DELE1: variants seen among roughly 807,000 people sequenced by gnomAD.
DELE1 encodes the protein DAP3 binding cell death enhancer 1.
In DELE1, 54 loss-of-function variants were observed where a neutral mutation model predicts 59.3. The ratio of observed to expected loss-of-function variants is 0.91; its 90% CI spans 0.73 to 1.14. The LOEUF is 1.14. Among genes scored for constraint, DELE1 ranks in the 50% most tolerant of loss-of-function variants. The pLI, the probability that DELE1 is intolerant of heterozygous loss-of-function variation, is 0.00. For missense variants in DELE1, 636 were observed against 643.9 expected, an observed-to-expected ratio of 0.99 and a Z score of 0.13; for synonymous variants, 264 against 259.1, an observed-to-expected ratio of 1.02 and a Z score of -0.18.
chr5:141,925,727 A>T (rs1427306266), intron 3 of DELE1, among the ~76,000 whole-genome samples, 200 bp downstream of exon 3: 1 of 152,090 alleles, frequency 6.6e-6, no homozygotes, highest in South Asian at 2.1e-4. Context: ...TAATTCAGTA[A>T]ACATTTATGT....
chr5:141,924,119 G>C, intron 1 of DELE1, 147 bp downstream of exon 1: 1 of 1,082,256 alleles, frequency 9.2e-7, no homozygotes, highest in Non-Finnish European at 1.4e-6. Context: ...GAAGTCAGGG[G>C]CTGCTGGAAT....
In DELE1 at chr5:141,924,608, T is replaced by C; in HGVS notation, c.59T>C (p.Leu20Pro). ...CTTCCCCGTACACTGGGACCTAGCC[T>C]CTGGAGGGTGACTCCTAAGTCCACC... ...RALPRTLGPSLWRVTPKSTSP... is the reference protein window; with the variant it reads ...RALPRTLGPSPWRVTPKSTSP... The change falls in exon 2 of 12, where the codon CTC becomes CCC. Residue 20 changes from leucine (L) to proline (P), a missense_variant. Coordinates refer to ENST00000432126, the MANE Select transcript of DELE1 (RefSeq NM_014773.5). 6.2e-7 allele frequency: 1 copy of C among 1,613,914 alleles called. No individual in the cohort carries two copies. The highest frequency in any genetic ancestry group is 8.5e-7 in the Non-Finnish European group (1 of 1,179,768).
chr5:141,937,430 G>C, intron 11 of DELE1, 73 bp downstream of exon 11: 1 of 1,526,882 alleles, frequency 6.5e-7, no homozygotes, highest in Non-Finnish European at 8.9e-7. Flanking sequence ...GTAGGTAGCA[G>C]TAGTCTCTGG....
rs144640883 is a variant in DELE1 at position 141,933,341 on chromosome 5, G to A, written c.837G>A (p.Ala279=). 56 of 1,553,060 alleles carry A rather than the reference G, an allele frequency of 3.6e-5. No homozygotes were observed. The highest frequency in any genetic ancestry group is 4.6e-5 in the Non-Finnish European group (52 of 1,137,566). The change falls in exon 8 of 12, where the codon GCG becomes GCA. Residue 279 remains alanine (A), a synonymous_variant. Coordinates refer to ENST00000432126, the MANE Select transcript of DELE1 (RefSeq NM_014773.5). ...CTGCAGCCCGCGGCTACAGCAAAGC[G>A]CAGTACAATGCGGGCTTGTGTCATG... is the stretch of plus-strand genomic sequence containing the variant. ...QKAAARGYSK[A]QYNAGLCHEH...
chr5:141,924,812 G>A (rs1423672399), intron 2 of DELE1, 117 bp downstream of exon 2: 1 of 668,402 alleles, frequency 1.5e-6, no homozygotes, highest in African/African-American at 1.8e-5. Flanking sequence ...CTGGAGTGCA[G>A]TGGGGCAATC....
intron 11 of DELE1, 26 bp downstream of exon 11, chr5:141,937,383 G>T (rs1336108011): frequency 6.2e-7 from 1 of 1,612,204 alleles, no homozygotes; most frequent in African/African-American, 1.3e-5. Context: ...CAAGCCAACA[G>T]GTTCATTCCC....
intron 11 of DELE1, among the ~76,000 whole-genome samples, chr5:141,937,965 C>T (rs1266927745): frequency 6.6e-6 from 1 of 151,510 alleles, no homozygotes; most frequent in Non-Finnish European, 1.5e-5. Context: ...GCTGGGATTA[C>T]AGGCACCCAC....
intron 3 of DELE1, 96 bp from the exon 4 acceptor site, chr5:141,928,055 C>T (rs1751562642): frequency 7.0e-7 from 1 of 1,427,908 alleles, no homozygotes; most frequent in Admixed American, 2.1e-5. Flanking sequence ...AGCTGCCCCA[C>T]CTGGATTTCC....
intron 3 of DELE1, among the ~76,000 whole-genome samples, chr5:141,927,501 A>C (rs951037013): frequency 6.6e-6 from 1 of 152,222 alleles, no homozygotes. Flanking sequence ...CCCTGGGTCA[A>C]CCTTCTTAAG....
rs1561524457 is a variant in DELE1 at position 141,938,508 on chromosome 5, C to T, written c.1310-13C>T. The T allele has an allele frequency of 2.5e-6, 4 of 1,612,562 alleles. No homozygotes were observed. The highest frequency in any genetic ancestry group is 1.1e-5 in the South Asian group (1 of 90,962). On this transcript the variant is annotated splice_polypyrimidine_tract_variant and intron_variant, in intron 11 of 11. Coordinates refer to ENST00000432126, the MANE Select transcript of DELE1 (RefSeq NM_014773.5). ...ACAGCAAGAGTAAGAGTTGCTCTCACCTCTTCTTGTAGCCCCGGGGCCCAG... is the reference window on the plus strand; with the variant it reads ...ACAGCAAGAGTAAGAGTTGCTCTCATCTCTTCTTGTAGCCCCGGGGCCCAG...
Position 141,939,135 on chromosome 5 carries a change from G to T in DELE1, c.*376G>T. The T allele has an allele frequency of 1.0e-6, 1 of 1,003,298 alleles. No homozygotes were observed. Among genetic ancestry groups the T allele is most frequent in the South Asian group, 4.4e-5 (1 of 22,838 alleles). The allele number at this position is 1,003,298 out of a possible 1,614,324, so 62.1% of individuals were successfully genotyped here. A position where few individuals can be genotyped will look rare whatever the true frequency, so the allele number is the denominator to read the frequency against. On this transcript the variant is annotated 3_prime_UTR_variant, in exon 12 of 12. Transcript: ENST00000432126. ...CACACTTAAATCTGTACTACTGTTT[G>T]CCAATGTCTGATGTGTGTATCCCTG... is the stretch of plus-strand genomic sequence containing the variant.
rs1429015841 is a variant in DELE1 at position 141,939,110 on chromosome 5, C to T, written c.*351C>T. On this transcript the variant is annotated 3_prime_UTR_variant, in exon 12 of 12. Coordinates refer to ENST00000432126, the MANE Select transcript of DELE1 (RefSeq NM_014773.5). ...CTTCCTTCTTATGCCTGGGTTTTCT[C>T]ACACTTAAATCTGTACTACTGTTTG... 1 of 1,043,296 alleles carries T rather than the reference C, an allele frequency of 9.6e-7. No individual in the cohort carries two copies. Among genetic ancestry groups the T allele is most frequent in the African/African-American group, 1.7e-5 (1 of 59,096 alleles). 64.6% of individuals were successfully genotyped at this position (1,043,296 alleles called of 1,614,324 possible).
intron 10 of DELE1, chr5:141,936,941 A>G (rs923819110): frequency 1.7e-5 from 22 of 1,272,536 alleles, no homozygotes; most frequent in Non-Finnish European, 2.1e-5. Context: ...CAGCCAGCCT[A>G]TGCAAGAGAA....
chr5:141,940,951 T>G lies in DELE1; in HGVS notation c.*2192T>G. The G allele has an allele frequency of 1.0e-6, 1 of 968,668 alleles. No individual in the cohort carries two copies. The highest frequency in any genetic ancestry group is 1.2e-6 in the Non-Finnish European group (1 of 814,736). The allele number at this position is 968,668 out of a possible 1,614,324, so 60.0% of individuals were successfully genotyped here. A position where few individuals can be genotyped will look rare whatever the true frequency, so the allele number is the denominator to read the frequency against. ...CCTTTTTATAGATTCACAATACACATCAGCATATTTGAGGTTCCAAGAAGT... is the reference window on the plus strand; with the variant it reads ...CCTTTTTATAGATTCACAATACACAGCAGCATATTTGAGGTTCCAAGAAGT... On this transcript the variant is annotated 3_prime_UTR_variant, in exon 12 of 12. Transcript: ENST00000432126.
At position 141,940,239 on chromosome 5, in the gene DELE1, T is replaced by G; in HGVS notation, c.*1480T>G. On this transcript the variant is annotated 3_prime_UTR_variant, in exon 12 of 12. Coordinates refer to ENST00000432126, the MANE Select transcript of DELE1 (RefSeq NM_014773.5). ...TGAGGCTCCGTCCTCATCTCTAAAC[T>G]CTCCACTAACCAATTTAAAGGATCT... The G allele has an allele frequency of 1.0e-6, 1 of 985,188 alleles. No individual in the cohort carries two copies. The highest frequency in any genetic ancestry group is 1.1e-4 in the East Asian group (1 of 8,810). 61.0% of individuals were successfully genotyped at this position (985,188 alleles called of 1,614,324 possible). A position where few individuals can be genotyped will look rare whatever the true frequency, so the allele number is the denominator to read the frequency against.
In DELE1 at chr5:141,938,724, C is replaced by T. The variant is rs1561525152; in HGVS notation, c.1513C>T (p.Leu505=). The T allele has an allele frequency of 5.6e-6, 9 of 1,613,986 alleles. No individual in the cohort carries two copies. The highest frequency in any genetic ancestry group is 7.6e-6 in the Non-Finnish European group (9 of 1,179,962). ...GGCTATTCCCCCACACCCCTACCCA[C>T]TGGAAAGGAGTGTTGTAAGACTAGG... ...SRAIPPHPYP[L]ERSVVRLGFG The change falls in exon 12 of 12, where the codon CTG becomes TTG. Residue 505 remains leucine (L), a synonymous_variant. Coordinates refer to ENST00000432126, the MANE Select transcript of DELE1 (RefSeq NM_014773.5).
chr5:141,936,969 G>A (rs988229393), intron 10 of DELE1: 25 of 1,364,886 alleles, frequency 1.8e-5, no homozygotes, highest in Non-Finnish European at 2.2e-5. Flanking sequence ...CACTGCCCTG[G>A]CTGGAATCTC....
Position 141,941,219 on chromosome 5 carries a change from C to T in DELE1, c.*2460C>T, listed in dbSNP as rs1322531786. 1.3e-5 allele frequency: 13 copies of T among 985,364 alleles called. No homozygotes were observed. The South Asian group carries it at 1.4e-4, about 11-fold the overall frequency. 61.0% of individuals were successfully genotyped at this position (985,364 alleles called of 1,614,324 possible). The stretch of plus-strand genomic sequence containing the variant: ...GCTGGTTCACAGTCTGGCCACTGGG[C>T]GTCCTGTGGTGAAGGCCAGATGCAG... On this transcript the variant is annotated 3_prime_UTR_variant, in exon 12 of 12. Coordinates refer to ENST00000432126, the MANE Select transcript of DELE1 (RefSeq NM_014773.5).
chr5:141,930,112 T>C (rs753091992), intron 6 of DELE1, 38 bp downstream of exon 6: 4 of 1,607,680 alleles, frequency 2.5e-6, no homozygotes, highest in Non-Finnish European at 3.4e-6. Flanking sequence ...CCCCATAACA[T>C]TCTCTTGGGC....
Sources: gnomAD v4.1 joint callset for allele counts (sites outside exome capture counted in the v4.1 genomes callset) on GRCh38, gnomAD v4.1.1 for gene constraint, MANE v1.5 for transcripts, NCBI Gene and HGNC (gene_info 2026-07-23, HGNC 2026-07-21) for gene names.